GPR89A: variants seen among roughly 807,000 people sequenced by gnomAD.
GPR89A encodes the protein golgi pH regulator A.
Under a neutral mutation model 52.0 loss-of-function variants are expected in GPR89A, and 16 were observed. The ratio of observed to expected loss-of-function variants is 0.31; its 90% CI spans 0.21 to 0.47. The LOEUF is 0.47. GPR89A is among the 20% of genes least tolerant of loss of function. The pLI, the probability that GPR89A is intolerant of heterozygous loss-of-function variation, is 1.00. For synonymous variants in GPR89A, 55 were observed against 150.9 expected (o/e 0.36, Z 4.66); for missense variants, 135 against 449.4 (o/e 0.30, Z 6.33).
intron 10 of GPR89A, among the ~76,000 whole-genome samples, chr1:145,662,720 C>A (rs1652286730): frequency 6.6e-6 from 1 of 152,180 alleles, no homozygotes; most frequent in Admixed American, 6.5e-5. Context: ...GTTTGCTCAC[C>A]TATTATGCAG....
chr1:145,615,288 C>T (rs587653591), intron 1 of GPR89A, among the ~76,000 whole-genome samples: 47 of 152,050 alleles, frequency 3.1e-4, no homozygotes, highest in Non-Finnish European at 6.2e-4. Flanking sequence ...TTCTACTACT[C>T]CTCTAATTTT....
At chr1:145,615,501 C>T (rs1235292013) in intron 1 of GPR89A, among the ~76,000 whole-genome samples, 1 of 151,322 alleles carries the variant, frequency 6.6e-6, no homozygotes, top group African/African-American at 2.4e-5. Flanking sequence ...ACCCCACCAC[C>T]CCCAGCTAAT....
chr1:145,666,336 G>T (rs1652548081), intron 12 of GPR89A, among the ~76,000 whole-genome samples: 1 of 149,708 alleles, frequency 6.7e-6, no homozygotes, highest in South Asian at 2.2e-4. Context: ...GGAAGTAAGG[G>T]AGCAGAATAT....
chr1:145,625,942 A>T (rs1446035591), intron 5 of GPR89A, among the ~76,000 whole-genome samples: 1 of 150,708 alleles, frequency 6.6e-6, no homozygotes, highest in Non-Finnish European at 1.5e-5. Context: ...GACACATAAC[A>T]AGTGTTTAAT....
At position 145,629,078 on chromosome 1, in the gene GPR89A, G is replaced by A. The variant is rs1401907247; in HGVS notation, c.416-1609G>A. Among the ~76,000 whole-genome samples, 34 of 152,114 alleles carry A rather than the reference G, an allele frequency of 2.2e-4. 1 individual carries two copies. Among genetic ancestry groups the A allele is most frequent in the East Asian group, 5.8e-4 (3 of 5,186 alleles). ...TGACTGCTAGTTCCAAGATGGTGGC[G>A]TAGGGGCAAGCTGGCTTTGCTTACC... is the stretch of plus-strand genomic sequence containing the variant. On this transcript the variant is annotated intron_variant, in intron 5 of 13. Transcript: ENST00000313835.
intron 10 of GPR89A, among the ~76,000 whole-genome samples, chr1:145,662,418 T>C (rs1652265044): frequency 3.3e-5 from 5 of 152,080 alleles, no homozygotes; most frequent in Admixed American, 3.3e-4. Flanking sequence ...AGCTTTCTTT[T>C]GATTAGTGTT....
chr1:145,654,568 A>AAAAAG (rs1651689577), intron 10 of GPR89A, among the ~76,000 whole-genome samples: 1 of 148,258 alleles, frequency 6.7e-6, no homozygotes, highest in Non-Finnish European at 1.5e-5. Flanking sequence ...AAAAAAAAAA[A>AAAAAG]AAACAGAATG....
In GPR89A at chr1:145,608,055, G is replaced by C; in HGVS notation, c.-79G>C. Reference sequence around the variant, plus strand: ...CAGCACCTGGGAGAAGGCAGACCGTGTGAGGGGGCCTGTGGCCCCAGCGTG... The same window carrying C: ...CAGCACCTGGGAGAAGGCAGACCGTCTGAGGGGGCCTGTGGCCCCAGCGTG... On this transcript the variant is annotated 5_prime_UTR_variant, in exon 1 of 14. Transcript: ENST00000313835. 1.3e-6 allele frequency: 2 copies of C among 1,567,442 alleles called. No homozygotes were observed. The highest frequency in any genetic ancestry group is 1.8e-6 in the Non-Finnish European group (2 of 1,141,462).
At chr1:145,657,079 A>G (rs1199113100) in intron 10 of GPR89A, among the ~76,000 whole-genome samples, 2 of 151,570 alleles carry the variant, frequency 1.3e-5, no homozygotes, top group East Asian at 1.9e-4. Flanking sequence ...GTTAGATTCA[A>G]TTTGCTAAAA....
intron 3 of GPR89A, among the ~76,000 whole-genome samples, chr1:145,619,441 C>A (rs587745959): frequency 2.6e-5 from 4 of 151,390 alleles, no homozygotes; most frequent in African/African-American, 9.7e-5. Flanking sequence ...GAGACCCTGT[C>A]TCTACAAAAA....
At chr1:145,629,779 C>T (rs1205226636) in intron 5 of GPR89A, among the ~76,000 whole-genome samples, 1 of 151,658 alleles carries the variant, frequency 6.6e-6, no homozygotes. Flanking sequence ...CCAGAGGTTG[C>T]ACTGACCTCT....
intron 1 of GPR89A, 77 bp downstream of exon 1, chr1:145,608,252 G>A: frequency 6.3e-7 from 1 of 1,586,082 alleles, no homozygotes; most frequent in Middle Eastern, 1.7e-4. Flanking sequence ...CCGCGGTGCG[G>A]GCTGGTCCGG....
At chr1:145,625,954 C>T (rs1252476600) in intron 5 of GPR89A, among the ~76,000 whole-genome samples, 2 of 150,560 alleles carry the variant, frequency 1.3e-5, no homozygotes, top group Admixed American at 6.6e-5. Context: ...GTGTTTAATA[C>T]GTGTTCTTTG....
intron 5 of GPR89A, among the ~76,000 whole-genome samples, chr1:145,625,855 A>G (rs1553688933): frequency 6.6e-6 from 1 of 150,488 alleles, no homozygotes; most frequent in Non-Finnish European, 1.5e-5. Flanking sequence ...TAACTTCCTC[A>G]TCAACCTATG....
chr1:145,639,782 A>G (rs1240891987), intron 7 of GPR89A, among the ~76,000 whole-genome samples: 1 of 149,916 alleles, frequency 6.7e-6, no homozygotes, highest in East Asian at 2.0e-4. Context: ...AAATACTGAC[A>G]CAAATACACC....
chr1:145,655,890 C>CT (rs1326669024), intron 10 of GPR89A, among the ~76,000 whole-genome samples: 1 of 151,924 alleles, frequency 6.6e-6, no homozygotes, highest in Non-Finnish European at 1.5e-5. Flanking sequence ...GCAGGAAAGA[C>CT]TAAGTCTGCT....
intron 10 of GPR89A, among the ~76,000 whole-genome samples, chr1:145,659,176 T>TA (rs1553695037): frequency 4.6e-5 from 7 of 151,800 alleles, no homozygotes; most frequent in African/African-American, 1.7e-4. Flanking sequence ...TGTTTAACCT[T>TA]TTTATTTATT....
intron 1 of GPR89A, among the ~76,000 whole-genome samples, chr1:145,609,496 C>G (rs1191820960): frequency 6.6e-6 from 1 of 152,178 alleles, no homozygotes; most frequent in Non-Finnish European, 1.5e-5. Flanking sequence ...AGACATGTAA[C>G]TCTTCTGCTT....
chr1:145,658,430 C>A (rs1385739579), intron 10 of GPR89A, among the ~76,000 whole-genome samples: 2 of 151,278 alleles, frequency 1.3e-5, no homozygotes, highest in African/African-American at 4.9e-5. Context: ...CAAAGGGAAA[C>A]CCCATTCTTT....
Sources: gnomAD v4.1 joint callset for allele counts (sites outside exome capture counted in the v4.1 genomes callset) on GRCh38, gnomAD v4.1.1 for gene constraint, MANE v1.5 for transcripts, NCBI Gene and HGNC (gene_info 2026-07-23, HGNC 2026-07-21) for gene names.